Variants in HMG20A observed in about 807,000 individuals in gnomAD.
HMG20A encodes the protein high mobility group protein 20A.
HMG20A carries 17 observed loss-of-function variants against 43.9 expected under a neutral mutation model. The observed-to-expected ratio is 0.39, with a 90% confidence interval of 0.27 to 0.58. The LOEUF is 0.58. HMG20A is among the 20% of genes least tolerant of loss of function. The probability of loss-of-function intolerance (pLI) is 0.59; values close to 1 mark genes in which losing one functional copy is unlikely to be tolerated. For missense variants in HMG20A, 341 were observed against 438.2 expected (o/e 0.78, Z 1.98); for synonymous variants, 132 against 147.5 (o/e 0.89, Z 0.76).
At chr15:77,519,536 T>C in the HMG20A span, among the ~76,000 whole-genome samples, 2 of 152,152 alleles carry the variant, frequency 1.3e-5, no homozygotes, top group Non-Finnish European at 2.9e-5. Flanking sequence ...ATGAATGGGA[T>C]TATGTCCTTA....
At chr15:77,457,270 C>T (rs1007432945) in intron 1 of HMG20A, among the ~76,000 whole-genome samples, 2 of 152,152 alleles carry the variant, frequency 1.3e-5, no homozygotes, top group East Asian at 1.9e-4. Flanking sequence ...TCTGCTTTGC[C>T]GCTGTGCTTT....
intron 1 of HMG20A, among the ~76,000 whole-genome samples, chr15:77,447,539 T>A (rs902973696): frequency 2.6e-5 from 4 of 152,208 alleles, no homozygotes; most frequent in Non-Finnish European, 5.9e-5. Flanking sequence ...CAGTCTCTTT[T>A]GATGATCTAG....
At chr15:77,421,186 T>A (rs2073323507) in intron 1 of HMG20A, 182 bp downstream of exon 1, 2 of 272,696 alleles carry the variant, frequency 7.3e-6, no homozygotes, top group Middle Eastern at 1.0e-3. Flanking sequence ...GGGGACACCC[T>A]CACTTCCTGT....
intron 1 of HMG20A, among the ~76,000 whole-genome samples, chr15:77,455,734 A>C (rs1323552315): frequency 6.6e-6 from 1 of 152,202 alleles, no homozygotes; most frequent in East Asian, 1.9e-4. Context: ...TTCAAAGTTC[A>C]GTGTGACCTC....
At chr15:77,476,233 G>A (rs928310955) in intron 6 of HMG20A, among the ~76,000 whole-genome samples, 1 of 152,118 alleles carries the variant, frequency 6.6e-6, no homozygotes, top group African/African-American at 2.4e-5. Flanking sequence ...TGTAATCCCA[G>A]CACTTTGGGA....
intron 1 of HMG20A, among the ~76,000 whole-genome samples, chr15:77,437,616 G>C (rs1387467257): frequency 6.6e-6 from 1 of 152,168 alleles, no homozygotes; most frequent in Non-Finnish European, 1.5e-5. Flanking sequence ...TTGTTGCCCA[G>C]GCTGGAGTGC....
At chr15:77,494,192 T>C in the HMG20A span, among the ~76,000 whole-genome samples, 5 of 152,130 alleles carry the variant, frequency 3.3e-5, no homozygotes, top group Admixed American at 3.3e-4. Context: ...TGCAGTGGTG[T>C]GATCATAGCT....
chr15:77,474,763 T>C (rs550118867), intron 6 of HMG20A, among the ~76,000 whole-genome samples: 2 of 152,296 alleles, frequency 1.3e-5, no homozygotes, highest in Admixed American at 1.3e-4. Context: ...CACTTCAGGC[T>C]GGTACACAAT....
At chr15:77,487,846 A>G (rs554614067), downstream of HMG20A, among the ~76,000 whole-genome samples, 58 of 152,330 alleles carry the variant, frequency 3.8e-4, no homozygotes, top group Non-Finnish European at 6.5e-4. Context: ...TATATACTTC[A>G]GTATCTATGG....
chr15:77,478,772 T>C (rs1289552856), intron 8 of HMG20A, among the ~76,000 whole-genome samples: 1 of 152,252 alleles, frequency 6.6e-6, no homozygotes, highest in Admixed American at 6.5e-5. Context: ...CTTAATTTGC[T>C]ATTCAGAACA....
At chr15:77,425,682 T>G (rs1253156086) in intron 1 of HMG20A, among the ~76,000 whole-genome samples, 1 of 152,190 alleles carries the variant, frequency 6.6e-6, no homozygotes, top group Non-Finnish European at 1.5e-5. Flanking sequence ...AATATAGAAT[T>G]GTTTGCATTG....
intron 1 of HMG20A, among the ~76,000 whole-genome samples, chr15:77,433,455 A>G (rs1436395191): frequency 6.6e-6 from 1 of 152,204 alleles, no homozygotes; most frequent in East Asian, 1.9e-4. Flanking sequence ...CAAACTCTTC[A>G]ATAGAATACA....
chr15:77,456,396 C>G (rs1200860154), intron 1 of HMG20A, among the ~76,000 whole-genome samples: 1 of 152,054 alleles, frequency 6.6e-6, no homozygotes, highest in Non-Finnish European at 1.5e-5. Flanking sequence ...AGAAGCCAGT[C>G]AATCCCAGGC....
At chr15:77,495,239 C>A in the HMG20A span, among the ~76,000 whole-genome samples, 1 of 152,164 alleles carries the variant, frequency 6.6e-6, no homozygotes, top group Admixed American at 6.5e-5. Context: ...AGGCTGCAGG[C>A]CCAGTAGCTT....
chr15:77,468,508 C>T (rs1171212007), intron 4 of HMG20A, among the ~76,000 whole-genome samples: 1 of 151,474 alleles, frequency 6.6e-6, no homozygotes, highest in Non-Finnish European at 1.5e-5. Flanking sequence ...CATTTTATTC[C>T]ATTTCTCCAT....
the HMG20A span, among the ~76,000 whole-genome samples, chr15:77,498,048 G>T: frequency 6.6e-6 from 1 of 152,044 alleles, no homozygotes; most frequent in Non-Finnish European, 1.5e-5. Context: ...CTGATAAAAG[G>T]AAATACAATA....
At chr15:77,486,987 G>C (rs1211093198), downstream of HMG20A, among the ~76,000 whole-genome samples, 1 of 152,194 alleles carries the variant, frequency 6.6e-6, no homozygotes, top group Admixed American at 6.5e-5. Context: ...TTAAAGGCTA[G>C]TATGGAGGCT....
chr15:77,471,170 TA>T, intron 5 of HMG20A, 128 bp downstream of exon 5: 1 of 863,258 alleles, frequency 1.2e-6, no homozygotes, highest in East Asian at 2.9e-5. Context: ...AGTATTCACT[TA>T]CAAGCATTAT....
chr15:77,441,610 G>A (rs985417049), intron 1 of HMG20A, among the ~76,000 whole-genome samples: 1 of 152,094 alleles, frequency 6.6e-6, no homozygotes, highest in African/African-American at 2.4e-5. Context: ...TCCTGACTTC[G>A]ATTCAGAGCT....
Sources: gnomAD v4.1 joint callset for allele counts (sites outside exome capture counted in the v4.1 genomes callset) on GRCh38, gnomAD v4.1.1 for gene constraint, MANE v1.5 for transcripts, NCBI Gene and HGNC (gene_info 2026-07-23, HGNC 2026-07-21) for gene names.